The following CDH18 variants were observed in gnomAD, a reference collection of about 807,000 sequenced individuals.
The protein encoded by CDH18 is cadherin-18.
Under a neutral mutation model 67.9 loss-of-function variants are expected in CDH18, and 31 were observed. That is an observed-to-expected ratio of 0.46 (90% CI 0.34 to 0.62). The LOEUF is 0.62. Ranked by LOEUF, CDH18 falls within the 20% of genes least tolerant of loss-of-function variation. The pLI, the probability that CDH18 is intolerant of heterozygous loss-of-function variation, is 0.01. For missense variants in CDH18, 890 were observed against 975.5 expected (o/e 0.91, Z 1.17); for synonymous variants, 362 against 347.2 (o/e 1.04, Z -0.48).
intron 2 of CDH18, among the ~76,000 whole-genome samples, chr5:19,866,456 A>G (rs1360293086): frequency 2.0e-5 from 3 of 152,192 alleles, no homozygotes; most frequent in Non-Finnish European, 4.4e-5. Context: ...ACAACTTTAC[A>G]TGCAGCTGGG....
At chr5:19,493,712 C>T (rs910842242) in intron 11 of CDH18, among the ~76,000 whole-genome samples, 11 of 152,026 alleles carry the variant, frequency 7.2e-5, no homozygotes, top group African/African-American at 2.7e-4. Context: ...TGATTATATT[C>T]AACACTTCAT....
chr5:20,238,066 G>A (rs1742611194), intron 2 of CDH18, among the ~76,000 whole-genome samples: 1 of 151,836 alleles, frequency 6.6e-6, no homozygotes, highest in South Asian at 2.1e-4. Flanking sequence ...GGTAATCATT[G>A]TAACAAACAA....
chr5:20,216,636 C>T (rs564705833), intron 2 of CDH18, among the ~76,000 whole-genome samples: 254 of 151,982 alleles, frequency 1.7e-3, no homozygotes, highest in Non-Finnish European at 3.0e-3. Flanking sequence ...TAAGATTTTA[C>T]ACTAGTTTCC....
intron 7 of CDH18, 57 bp from the exon 8 acceptor site, chr5:19,571,889 T>C (rs1037314783): frequency 7.4e-7 from 1 of 1,355,768 alleles, no homozygotes; most frequent in Non-Finnish European, 1.0e-6. Context: ...ATTATGACTT[T>C]CATTACTTTT....
chr5:19,831,924 C>T (rs1781078284), intron 3 of CDH18, among the ~76,000 whole-genome samples: 1 of 151,910 alleles, frequency 6.6e-6, no homozygotes, highest in African/African-American at 2.4e-5. Flanking sequence ...TACTACACAG[C>T]CATAAAAAAG....
At chr5:19,619,239 T>C (rs1750321686) in intron 5 of CDH18, among the ~76,000 whole-genome samples, 1 of 152,238 alleles carries the variant, frequency 6.6e-6, no homozygotes, top group Non-Finnish European at 1.5e-5. Context: ...CTACTCTGTA[T>C]AAAATGTGGG....
intron 2 of CDH18, among the ~76,000 whole-genome samples, chr5:20,179,990 G>A (rs929148953): frequency 6.6e-5 from 10 of 152,022 alleles, no homozygotes; most frequent in South Asian, 2.1e-4. Flanking sequence ...CTATTGCTAT[G>A]GAATAAAATA....
chr5:19,522,882 G>A (rs567902735), intron 9 of CDH18, among the ~76,000 whole-genome samples: 1 of 128,800 alleles, frequency 7.8e-6, no homozygotes, highest in South Asian at 2.7e-4. Flanking sequence ...GTGACAGAGT[G>A]AGACTCCTTC....
At chr5:20,106,533 T>TA in intron 2 of CDH18, among the ~76,000 whole-genome samples, 1 of 152,350 alleles carries the variant, frequency 6.6e-6, no homozygotes, top group Middle Eastern at 3.4e-3. Context: ...ACACACTTTT[T>TA]ATATCAATTT....
intron 2 of CDH18, among the ~76,000 whole-genome samples, chr5:20,172,324 A>G (rs1244099863): frequency 6.8e-6 from 1 of 147,832 alleles, no homozygotes; most frequent in African/African-American, 2.5e-5. Flanking sequence ...TTACCAGTAC[A>G]TATTCATGAA....
chr5:19,822,533 G>T (rs1019060793), intron 3 of CDH18, among the ~76,000 whole-genome samples: 14 of 152,148 alleles, frequency 9.2e-5, no homozygotes, highest in African/African-American at 3.4e-4. Context: ...AAATTTTAAA[G>T]CTGGGCATCC....
At chr5:19,510,785 C>A (rs1036084438) in intron 10 of CDH18, among the ~76,000 whole-genome samples, 1 of 151,568 alleles carries the variant, frequency 6.6e-6, no homozygotes, top group Admixed American at 6.6e-5. Context: ...ATGCTGTTCT[C>A]CTGTTAGTGA....
chr5:19,967,341 A>AAAAT (rs1198586777), intron 2 of CDH18, among the ~76,000 whole-genome samples: 1 of 152,120 alleles, frequency 6.6e-6, no homozygotes, highest in African/African-American at 2.4e-5. Flanking sequence ...TATAATTAGA[A>AAAAT]AAATATAGAA....
chr5:19,670,233 T>G (rs964329812), intron 5 of CDH18, among the ~76,000 whole-genome samples: 5 of 152,158 alleles, frequency 3.3e-5, no homozygotes, highest in African/African-American at 1.2e-4. Flanking sequence ...ACAGTTTTTT[T>G]TCAGATAAAC....
Position 20,527,866 on chromosome 5 carries a change from T to G in CDH18, c.-580+47596A>C, listed in dbSNP as rs549776153. The stretch of plus-strand genomic sequence containing the variant: ...AACTAAATAAACTAGTTTGCAAAAT[T>G]AATCAGTCAGCATTATGATGACAGG... On this transcript the variant is annotated intron_variant, in intron 1 of 14. Coordinates refer to the CDH18 transcript ENST00000507958. Among the ~76,000 whole-genome samples the G allele has an allele frequency of 3.5e-4, 54 of 152,204 alleles. 1 individual carries two copies. Among genetic ancestry groups the G allele is most frequent in the African/African-American group, 1.3e-3 (53 of 41,476 alleles).
intron 3 of CDH18, among the ~76,000 whole-genome samples, chr5:19,791,356 A>AACACAC (rs58429751): frequency 0.034 from 4,750 of 141,554 alleles, 100 homozygotes; most frequent in East Asian, 0.063. Flanking sequence ...TCGACTTTTA[A>AACACAC]ACACACACAC....
At chr5:20,455,810 G>T (rs1267786018) in intron 1 of CDH18, among the ~76,000 whole-genome samples, 2 of 151,792 alleles carry the variant, frequency 1.3e-5, no homozygotes, top group African/African-American at 4.8e-5. Context: ...ACTTAAAATT[G>T]AATTATCTGT....
At chr5:20,209,095 G>T (rs940077977) in intron 2 of CDH18, among the ~76,000 whole-genome samples, 1 of 152,000 alleles carries the variant, frequency 6.6e-6, no homozygotes, top group Non-Finnish European at 1.5e-5. Flanking sequence ...AGACGGGGAA[G>T]AACAAGAACA....
At chr5:20,172,228 A>ATACG (rs1736863051) in intron 2 of CDH18, among the ~76,000 whole-genome samples, 4 of 110,732 alleles carry the variant, frequency 3.6e-5, no homozygotes, top group South Asian at 2.7e-4. Flanking sequence ...ATATATGTAT[A>ATACG]TATATATATA....
Sources: allele counts gnomAD v4.1 joint callset (sites outside exome capture counted in the v4.1 genomes callset), GRCh38; gene constraint gnomAD v4.1.1; transcripts MANE v1.5; gene names NCBI Gene and HGNC (gene_info 2026-07-23, HGNC 2026-07-21).